Variants in WDR72 observed in about 807,000 individuals in gnomAD.
WDR72 encodes the protein WD repeat domain 72.
A neutral mutation model predicts 124.2 loss-of-function variants in WDR72; 120 were observed. That is an observed-to-expected ratio of 0.97 (90% CI 0.83 to 1.12). The LOEUF (loss-of-function observed/expected upper bound fraction) is 1.12. Ranked by LOEUF, WDR72 falls within the 50% of genes most tolerant of loss-of-function variation. The pLI, the probability that WDR72 is intolerant of heterozygous loss-of-function variation, is 0.00. For synonymous variants in WDR72, 452 were observed against 441.7 expected (o/e 1.02, Z -0.29); for missense variants, 1,387 against 1,278.8 (o/e 1.08, Z -1.29).
intron 18 of WDR72, among the ~76,000 whole-genome samples, chr15:53,553,913 C>T (rs1893831619): frequency 1.3e-5 from 2 of 152,058 alleles, no homozygotes; most frequent in African/African-American, 4.8e-5. Flanking sequence ...ACTATCCATC[C>T]CTACAATTTT....
chr15:53,554,093 A>G (rs1354210189), intron 18 of WDR72, among the ~76,000 whole-genome samples: 1 of 152,124 alleles, frequency 6.6e-6, no homozygotes, highest in African/African-American at 2.4e-5. Context: ...CTTTTCAATA[A>G]AAGATTTCAG....
intron 13 of WDR72, among the ~76,000 whole-genome samples, chr15:53,688,068 T>C (rs1241622978): frequency 1.4e-5 from 2 of 146,638 alleles, no homozygotes; most frequent in South Asian, 2.2e-4. Context: ...TATTTCAAAA[T>C]AATAAGAGCT....
At chr15:53,663,693 T>C (rs1160615561) in intron 14 of WDR72, among the ~76,000 whole-genome samples, 2 of 152,104 alleles carry the variant, frequency 1.3e-5, no homozygotes, top group African/African-American at 4.8e-5. Flanking sequence ...CTCTGACATA[T>C]AATTTCCACT....
chr15:53,741,918 G>C (rs1230618494), intron 1 of WDR72, among the ~76,000 whole-genome samples: 1 of 152,036 alleles, frequency 6.6e-6, no homozygotes, highest in Non-Finnish European at 1.5e-5. Flanking sequence ...AGTACAGATC[G>C]GGTTTCACCA....
At chr15:53,573,430 T>C (rs890038421) in intron 18 of WDR72, among the ~76,000 whole-genome samples, 4 of 152,204 alleles carry the variant, frequency 2.6e-5, no homozygotes, top group African/African-American at 9.6e-5. Context: ...AAGGCTAAAA[T>C]TTTTCTGATT....
At chr15:53,608,880 A>G (rs1595790765) in intron 17 of WDR72, among the ~76,000 whole-genome samples, 1 of 152,158 alleles carries the variant, frequency 6.6e-6, no homozygotes, top group South Asian at 2.1e-4. Flanking sequence ...GTAGGTGGGG[A>G]TGATTAATAG....
intron 18 of WDR72, among the ~76,000 whole-genome samples, chr15:53,543,111 C>T (rs1893239602): frequency 7.2e-6 from 1 of 138,580 alleles, no homozygotes; most frequent in East Asian, 2.2e-4. Flanking sequence ...CAAGGATACC[C>T]AGGAATTGAA....
chr15:53,557,078 CT>C, intron 18 of WDR72, among the ~76,000 whole-genome samples: 1 of 152,192 alleles, frequency 6.6e-6, no homozygotes, highest in Non-Finnish European at 1.5e-5. Context: ...CCAAGGTTGA[CT>C]TGGCCAGAGT....
At chr15:53,657,599 C>A (rs183752268) in intron 14 of WDR72, among the ~76,000 whole-genome samples, 2 of 152,216 alleles carry the variant, frequency 1.3e-5, no homozygotes, top group East Asian at 3.9e-4. Flanking sequence ...AAGTTATAAT[C>A]TTAGATTTCT....
At chr15:53,616,826 C>T (rs1277676449) in intron 14 of WDR72, among the ~76,000 whole-genome samples, 1 of 151,940 alleles carries the variant, frequency 6.6e-6, no homozygotes, top group Admixed American at 6.6e-5. Context: ...ATGAGGCATT[C>T]CTTGAATACT....
At chr15:53,644,560 G>A (rs1471009248) in intron 14 of WDR72, among the ~76,000 whole-genome samples, 2 of 152,038 alleles carry the variant, frequency 1.3e-5, no homozygotes, top group Non-Finnish European at 2.9e-5. Flanking sequence ...GTTATGAGAA[G>A]TATGTATCTT....
intron 18 of WDR72, among the ~76,000 whole-genome samples, chr15:53,581,212 T>C (rs540366493): frequency 6.6e-6 from 1 of 152,212 alleles, no homozygotes; most frequent in East Asian, 1.9e-4. Flanking sequence ...AAATTCTGTA[T>C]GCAAGTGCTA....
chr15:53,663,523 G>A (rs2015677422), intron 14 of WDR72, among the ~76,000 whole-genome samples: 1 of 152,094 alleles, frequency 6.6e-6, no homozygotes, highest in African/African-American at 2.4e-5. Flanking sequence ...CTAAAGAGTA[G>A]CTATGAAGCT....
intron 18 of WDR72, among the ~76,000 whole-genome samples, chr15:53,552,651 T>G (rs374607272): frequency 1.3e-5 from 2 of 152,096 alleles, no homozygotes; most frequent in African/African-American, 4.8e-5. Context: ...AACAGACACA[T>G]AGAAAATAAT....
intron 17 of WDR72, among the ~76,000 whole-genome samples, chr15:53,604,443 G>A (rs1370459146): frequency 6.6e-6 from 1 of 152,048 alleles, no homozygotes; most frequent in Admixed American, 6.6e-5. Flanking sequence ...TGGCAAAGAT[G>A]CCAAAAGCAA....
chr15:53,527,678 T>G (rs151165661), intron 18 of WDR72, among the ~76,000 whole-genome samples: 5 of 152,012 alleles, frequency 3.3e-5, no homozygotes, highest in Non-Finnish European at 7.4e-5. Flanking sequence ...ATAGAGCAGT[T>G]TGAAATATTG....
At chr15:53,668,581 G>A (rs549170398) in intron 13 of WDR72, among the ~76,000 whole-genome samples, 26 of 152,056 alleles carry the variant, frequency 1.7e-4, no homozygotes, top group Non-Finnish European at 3.1e-4. Context: ...TGGACAGAGC[G>A]TGCTGGAAAC....
At position 53,540,509 on chromosome 15, in the gene WDR72, T is replaced by A. The variant is rs74713056; in HGVS notation, c.3149-17187A>T. On this transcript the variant is annotated intron_variant, in intron 18 of 19. Transcript: ENST00000360509. ...TCAAAAGGGAAATTCAATACAAAAC[T>A]GTAGAACTTAAAAAAATTGTAATAA... 6.1e-3 allele frequency among the ~76,000 whole-genome samples: 852 copies of A among 140,104 alleles called. 9 individuals are homozygous for A. Among genetic ancestry groups the A allele is most frequent in the African/African-American group, 0.022 (812 of 37,690 alleles). The allele number at this position is 140,104 out of a possible 152,430, so 91.9% of individuals were successfully genotyped here.
intron 13 of WDR72, among the ~76,000 whole-genome samples, chr15:53,678,138 C>T (rs1205727571): frequency 6.6e-6 from 1 of 152,098 alleles, no homozygotes; most frequent in Non-Finnish European, 1.5e-5. Flanking sequence ...GAAGAAAGAA[C>T]TTTATTGGCA....
Sources: gnomAD v4.1 joint callset for allele counts (sites outside exome capture counted in the v4.1 genomes callset) on GRCh38, gnomAD v4.1.1 for gene constraint, MANE v1.5 for transcripts, NCBI Gene and HGNC (gene_info 2026-07-23, HGNC 2026-07-21) for gene names.